VPS13D: variants seen among roughly 807,000 people sequenced by gnomAD.
VPS13D encodes the protein vacuolar protein sorting 13 homolog D, also known as intermembrane lipid transfer protein VPS13D.
In VPS13D, 187 loss-of-function variants were observed where a neutral mutation model predicts 461.9. That is an observed-to-expected ratio of 0.40 (90% CI 0.36 to 0.46). The LOEUF is 0.46. Among genes scored for constraint, VPS13D ranks in the 20% least tolerant of loss-of-function variants. VPS13D has a pLI of 0.60. For synonymous variants in VPS13D, 1,951 were observed against 1,986.3 expected (o/e 0.98, Z 0.47); for missense variants, 4,711 against 5,364.9 (o/e 0.88, Z 3.81).
Position 12,277,697 on chromosome 1 carries a change from T to G in VPS13D, c.4109T>G (p.Leu1370Trp). The change falls in exon 19 of 70, where the codon TTG (leucine) becomes TGG (tryptophan). Residue 1370 changes from leucine to tryptophan, a missense_variant. Leu to Trp is a moderately conservative substitution (Grantham distance 61). This residue lies in a region of VPS13D where 4,411 missense variants were observed against 4,937.8 expected (regional missense o/e 0.89). Transcript: ENST00000620676. ...IYGFDLASSH[L>W]DTVKLILNIN... ...GGGTTTGACCTAGCTTCGTCTCATTTGGACACTGTAAAGCTAATCTTGAAC... is the reference window on the plus strand; with the variant it reads ...GGGTTTGACCTAGCTTCGTCTCATTGGGACACTGTAAAGCTAATCTTGAAC... 1 of 1,614,230 alleles carries G rather than the reference T, an allele frequency of 6.2e-7. No homozygotes were observed. Among genetic ancestry groups the G allele is most frequent in the Non-Finnish European group, 8.5e-7 (1 of 1,180,038 alleles).
rs754775335 is a variant in VPS13D at position 12,342,886 on chromosome 1, G to C, written c.8733-13G>C. The C allele has an allele frequency of 5.6e-6, 9 of 1,604,764 alleles. No homozygotes were observed. The South Asian group carries it at 8.9e-5, about 16-fold the overall frequency. On this transcript the variant is annotated splice_polypyrimidine_tract_variant and intron_variant, in intron 41 of 69. Transcript: ENST00000620676. ...AAACAGGGACAGGCTGATGTCATCT[G>C]ATTTGGTTCCAGAGCTGCACTCTCT...
intron 26 of VPS13D, among the ~76,000 whole-genome samples, chr1:12,306,995 C>A (rs1642584244): frequency 6.6e-6 from 1 of 152,204 alleles, no homozygotes; most frequent in Non-Finnish European, 1.5e-5. Context: ...GGGACCCCTG[C>A]CCTGGAGAAT....
intron 21 of VPS13D, among the ~76,000 whole-genome samples, chr1:12,287,990 AAGCATAGAGAAGGCACC>A (rs972276359): frequency 6.6e-6 from 1 of 152,220 alleles, no homozygotes; most frequent in African/African-American, 2.4e-5. Context: ...TAGACAAGGC[AAGCATAGAGAAGGCACC>A]ACAGAAACTG....
At chr1:12,446,542 A>G (rs1471017068) in intron 65 of VPS13D, among the ~76,000 whole-genome samples, 1 of 151,992 alleles carries the variant, frequency 6.6e-6, no homozygotes, top group East Asian at 1.9e-4. Flanking sequence ...CTTTCTCTCT[A>G]TAGTCCTCTT....
At chr1:12,378,691 A>C in intron 56 of VPS13D, 100 bp downstream of exon 56, 1 of 1,259,338 alleles carries the variant, frequency 7.9e-7, no homozygotes, top group Non-Finnish European at 1.0e-6. Flanking sequence ...ATAAAGTAAA[A>C]ATGTATATTT....
intron 60 of VPS13D, among the ~76,000 whole-genome samples, chr1:12,393,222 C>T (rs1644451007): frequency 6.6e-6 from 1 of 152,248 alleles, no homozygotes; most frequent in African/African-American, 2.4e-5. Flanking sequence ...ATCCAATCTG[C>T]ATAATGTCAT....
At chr1:12,325,291 G>A (rs1194233917) in intron 35 of VPS13D, among the ~76,000 whole-genome samples, 5 of 149,982 alleles carry the variant, frequency 3.3e-5, no homozygotes, top group South Asian at 2.1e-4. Context: ...ACAGAGTCTC[G>A]CTCTCTTGCC....
In VPS13D at chr1:12,409,460, T is replaced by C. The variant is rs1392271951; in HGVS notation, c.12030+5487T>C. Among the ~76,000 whole-genome samples, 4 of 152,272 alleles carry C rather than the reference T, an allele frequency of 2.6e-5. No homozygotes were observed. In the South Asian group the frequency reaches 6.2e-4, roughly 24 times the overall value. On this transcript the variant is annotated intron_variant, in intron 63 of 69. Transcript: ENST00000620676. ...AAGTTGCACATGAAATTTTAATATA[T>C]AATAAAGAGACTTTAATTCAGTGGG...
At chr1:12,352,965 C>CAAAAAAAAAAAAAAAAAAAAAAAAA (rs61588046) in intron 46 of VPS13D, among the ~76,000 whole-genome samples, 1 of 17,586 alleles carries the variant, frequency 5.7e-5, no homozygotes, top group Non-Finnish European at 1.0e-4. Flanking sequence ...AACTCAGTCT[C>CAAAAAAAAAAAAAAAAAAAAAAAAA]AAAAAAAAAA....
chr1:12,299,172 C>A lies in VPS13D; in HGVS notation c.6034-30C>A, dbSNP rs1301349106. Reference sequence around the variant, plus strand: ...GTGGTAAAATTAGGGAATTAATTATCCTCTGAGTCAGTTTTCCTTCCTCTT... The same window carrying A: ...GTGGTAAAATTAGGGAATTAATTATACTCTGAGTCAGTTTTCCTTCCTCTT... On this transcript the variant is annotated intron_variant, in intron 24 of 69. Transcript: ENST00000620676. This position sits in a 1 kb window ranked among gnomAD's most constrained non-coding sequence, Gnocchi z 4.2. The A allele has an allele frequency of 3.9e-6, 6 of 1,535,768 alleles. No homozygotes were observed. Among genetic ancestry groups the A allele is most frequent in the Non-Finnish European group, 5.2e-6 (6 of 1,145,952 alleles).
chr1:12,439,236 G>C (rs1196263591), intron 65 of VPS13D, among the ~76,000 whole-genome samples: 4 of 152,046 alleles, frequency 2.6e-5, no homozygotes, highest in African/African-American at 7.2e-5. Flanking sequence ...GTGCCTCACT[G>C]TCTCACCACC....
intron 36 of VPS13D, among the ~76,000 whole-genome samples, chr1:12,328,730 G>T (rs1557712657): frequency 6.6e-6 from 1 of 152,110 alleles, no homozygotes; most frequent in Non-Finnish European, 1.5e-5. Context: ...AGTAGAGACA[G>T]GGTTTCTCCA....
chr1:12,406,622 G>T (rs144888033), intron 63 of VPS13D, among the ~76,000 whole-genome samples: 70 of 152,262 alleles, frequency 4.6e-4, no homozygotes, highest in Non-Finnish European at 7.8e-4. Flanking sequence ...TTACTCTGCG[G>T]TGGAAGAATG....
At chr1:12,476,761 G>A (rs1263546250) in intron 67 of VPS13D, among the ~76,000 whole-genome samples, 1 of 152,158 alleles carries the variant, frequency 6.6e-6, no homozygotes, top group Non-Finnish European at 1.5e-5. Flanking sequence ...GATATAACAA[G>A]AGATGGTTTT....
At chr1:12,262,463 A>T (rs1219072838) in intron 13 of VPS13D, among the ~76,000 whole-genome samples, 8 of 152,194 alleles carry the variant, frequency 5.3e-5, no homozygotes. Flanking sequence ...TTCCTGGGCT[A>T]GAGATAGGTA....
At chr1:12,280,542 G>A (rs1374271546) in intron 20 of VPS13D, among the ~76,000 whole-genome samples, 2 of 148,256 alleles carry the variant, frequency 1.3e-5, no homozygotes, top group African/African-American at 2.5e-5. Flanking sequence ...AGGCTACAGT[G>A]CCAGTGGTGT....
chr1:12,346,031 C>T (rs1643668144), intron 43 of VPS13D, among the ~76,000 whole-genome samples: 1 of 152,142 alleles, frequency 6.6e-6, no homozygotes, highest in Non-Finnish European at 1.5e-5. Flanking sequence ...AGGTGGCATC[C>T]CTGACTTGTA....
Position 12,322,624 on chromosome 1 carries a change from A to T in VPS13D, c.7793A>T (p.Asn2598Ile). 1.2e-6 allele frequency: 2 copies of T among 1,614,232 alleles called. No individual in the cohort carries two copies. The highest frequency in any genetic ancestry group is 1.7e-6 in the Non-Finnish European group (2 of 1,180,034). The change falls in exon 34 of 70, where the codon AAT (asparagine) becomes ATT (isoleucine). Residue 2598 changes from asparagine (N) to isoleucine (I), a missense_variant. Around this residue, in one of 3 missense-constraint regions of VPS13D, gnomAD observed 4,411 missense variants for 4,937.8 expected, o/e 0.89. Transcript: ENST00000620676. Reference protein sequence around the residue: ...AIAKSIPEQANAAVPDSVALE... With the variant: ...AIAKSIPEQAIAAVPDSVALE... ...GCAAAATCCATCCCAGAGCAAGCTA[A>T]TGCTGCAGTGCCAGACTCAGTGGCC... is the stretch of plus-strand genomic sequence containing the variant.
At position 12,311,804 on chromosome 1, in the gene VPS13D, CT is replaced by C; in HGVS notation, c.6823-5del. On this transcript the variant is annotated splice_polypyrimidine_tract_variant and splice_region_variant and intron_variant, in intron 28 of 69. Transcript: ENST00000620676. ...CAGCTGTGGATTGACGAGCATTTTC[CT>C]TTTGTAGACTGTCCTGAGTGGAGAA... 1.2e-6 allele frequency: 2 copies of C among 1,610,284 alleles called. No individual in the cohort carries two copies. Among genetic ancestry groups the C allele is most frequent in the South Asian group, 1.1e-5 (1 of 90,702 alleles).
Sources: gnomAD v4.1 joint callset for allele counts (sites outside exome capture counted in the v4.1 genomes callset) on GRCh38, gnomAD v4.1.1 for gene constraint, gnomAD v4.1.1 regional missense constraint, Gnocchi (gnomAD v3.1) non-coding constraint, MANE v1.5 for transcripts, NCBI Gene and HGNC (gene_info 2026-07-23, HGNC 2026-07-21) for gene names.